The following SNX29 variants were observed in gnomAD, a reference collection of about 807,000 sequenced individuals.
SNX29 encodes sorting nexin 29.
Under a neutral mutation model 102.1 loss-of-function variants are expected in SNX29, and 78 were observed. That is an observed-to-expected ratio of 0.76 (90% CI 0.64 to 0.92). SNX29 has a LOEUF of 0.92. Among genes scored for constraint, SNX29 ranks in the 40% least tolerant of loss-of-function variants. The pLI is 0.00. For missense variants in SNX29, 1,280 were observed against 1,061.7 expected (o/e 1.21, Z -2.86); for synonymous variants, 580 against 414.5 (o/e 1.40, Z -4.85).
intron 9 of SNX29, among the ~76,000 whole-genome samples, chr16:12,064,141 A>G (rs2050911470): frequency 6.6e-6 from 1 of 152,088 alleles, no homozygotes; most frequent in African/African-American, 2.4e-5. Context: ...AGGTGCTTGC[A>G]GTAGGTGGTC....
At chr16:12,464,861 T>C (rs890981394) in intron 18 of SNX29, among the ~76,000 whole-genome samples, 5 of 152,232 alleles carry the variant, frequency 3.3e-5, no homozygotes, top group Non-Finnish European at 7.3e-5. Context: ...TGATTTACTT[T>C]CCTGCCAATA....
rs927631901 is a variant in SNX29, at chr16:12,570,334, C to G, written c.*1705C>G. 8.8e-6 allele frequency: 7 copies of G among 799,676 alleles called. No homozygotes were observed. In the African/African-American group the frequency reaches 1.3e-4, roughly 14 times the overall value. The allele number at this position is 799,676 out of a possible 1,614,324, so 49.5% of individuals were successfully genotyped here. ...CATCCTGTAAAGGCAACTTGGTCTC[C>G]CTCCCACTCACCTGCCAACATTGCT... On this transcript the variant is annotated 3_prime_UTR_variant, in exon 21 of 21. Transcript: ENST00000566228.
At chr16:12,062,176 T>G (rs77095878) in intron 9 of SNX29, among the ~76,000 whole-genome samples, 1 of 151,890 alleles carries the variant, frequency 6.6e-6, no homozygotes, top group Non-Finnish European at 1.5e-5. Context: ...GTCAGGAGTT[T>G]GAGACCAGCC....
chr16:12,330,007 AC>A (rs1419803701), intron 15 of SNX29, among the ~76,000 whole-genome samples: 1 of 152,162 alleles, frequency 6.6e-6, no homozygotes, highest in Non-Finnish European at 1.5e-5. Context: ...TGATGGGCAC[AC>A]TCCTCAACAT....
intron 18 of SNX29, among the ~76,000 whole-genome samples, chr16:12,460,657 CT>C (rs56823217): frequency 0.12 from 15,583 of 133,578 alleles, 2,212 homozygotes; most frequent in African/African-American, 0.38. Context: ...TGTGTGAACT[CT>C]TTTTTTTTTT....
Position 12,106,028 on chromosome 16 carries a change from G to C in SNX29, c.1403-20605G>C, listed in dbSNP as rs76567294. Among the ~76,000 whole-genome samples the C allele has an allele frequency of 1.9e-3, 283 of 152,296 alleles. 2 individuals carry two copies. Among genetic ancestry groups the C allele is most frequent in the Non-Finnish European group, 1.6e-3 (112 of 68,018 alleles). The stretch of plus-strand genomic sequence containing the variant: ...GCCTCAGCCGTGGCTCCTCTGGAGG[G>C]ACAGAGCCAACGTTTCCATCTAAGT... On this transcript the variant is annotated intron_variant, in intron 11 of 20. Transcript: ENST00000566228.
chr16:12,320,550 C>T (rs1172012424), intron 15 of SNX29, among the ~76,000 whole-genome samples: 3 of 152,156 alleles, frequency 2.0e-5, no homozygotes, highest in African/African-American at 7.2e-5. Context: ...CTGGAGAATA[C>T]TTAAGATTAA....
chr16:12,258,825 G>A (rs960559895), intron 14 of SNX29, among the ~76,000 whole-genome samples: 1 of 152,126 alleles, frequency 6.6e-6, no homozygotes, highest in Non-Finnish European at 1.5e-5. Flanking sequence ...TGTGGAGAGC[G>A]TTGTTATTTT....
intron 18 of SNX29, among the ~76,000 whole-genome samples, chr16:12,466,537 C>G (rs541296812): frequency 3.5e-4 from 54 of 152,322 alleles, no homozygotes; most frequent in Middle Eastern, 6.8e-3. Flanking sequence ...TGGCACCCCC[C>G]CTTCCAGAGT....
At chr16:12,397,985 G>A (rs536201957) in intron 16 of SNX29, among the ~76,000 whole-genome samples, 1 of 152,178 alleles carries the variant, frequency 6.6e-6, no homozygotes, top group East Asian at 1.9e-4. Flanking sequence ...GCCTCAAATT[G>A]CTCGTACATT....
At position 12,569,119 on chromosome 16, in the gene SNX29, TTGCGG is replaced by T. The variant is rs2079129764; in HGVS notation, c.*491_*495del. 5.6e-5 allele frequency: 1 copy of T among 17,866 alleles called. No homozygotes were observed. The highest frequency in any genetic ancestry group is 1.5e-3 in the Admixed American group (1 of 648). The allele number at this position is 17,866 out of a possible 1,614,324, so 1.1% of individuals were successfully genotyped here. A position where few individuals can be genotyped will look rare whatever the true frequency, so the allele number is the denominator to read the frequency against. ...TGGCCTAACCTAGGGATGGCTGGCT[TTGCGG>T]GGGGGGGGGGGGGGGGGGGCATGGT... On this transcript the variant is annotated 3_prime_UTR_variant, in exon 21 of 21. Coordinates refer to ENST00000566228, the MANE Select transcript of SNX29 (RefSeq NM_032167.5).
intron 19 of SNX29, among the ~76,000 whole-genome samples, chr16:12,485,787 A>G (rs146697358): frequency 2.0e-4 from 31 of 152,318 alleles, no homozygotes; most frequent in African/African-American, 6.5e-4. Flanking sequence ...CTCAGGAGCT[A>G]TATGAGCTGC....
intron 13 of SNX29, among the ~76,000 whole-genome samples, chr16:12,166,560 A>G (rs1012724706): frequency 3.9e-5 from 6 of 152,182 alleles, no homozygotes; most frequent in African/African-American, 1.4e-4. Context: ...CTTGGAGCTG[A>G]TTATGGTATT....
At chr16:12,531,419 A>G (rs1247432669) in intron 20 of SNX29, among the ~76,000 whole-genome samples, 1 of 152,238 alleles carries the variant, frequency 6.6e-6, no homozygotes, top group Non-Finnish European at 1.5e-5. Context: ...TGTTGCAGAC[A>G]GAAGGCAGGG....
intron 19 of SNX29, among the ~76,000 whole-genome samples, chr16:12,521,537 T>C (rs1292936801): frequency 2.0e-5 from 3 of 152,202 alleles, no homozygotes; most frequent in African/African-American, 4.8e-5. Flanking sequence ...TCTCTCCTTA[T>C]TGCTTTAGAG....
At chr16:12,206,069 T>G (rs1035034632) in intron 14 of SNX29, among the ~76,000 whole-genome samples, 1 of 152,202 alleles carries the variant, frequency 6.6e-6, no homozygotes, top group Admixed American at 6.5e-5. Context: ...ACTGCATCTT[T>G]CAGTTGTGCC....
At chr16:12,007,546 G>A (rs1376924614) in intron 3 of SNX29, among the ~76,000 whole-genome samples, 1 of 152,084 alleles carries the variant, frequency 6.6e-6, no homozygotes, top group African/African-American at 2.4e-5. Flanking sequence ...TCTCAAGAGG[G>A]AAAGTCAGCG....
At chr16:12,338,344 C>T (rs761282370) in intron 15 of SNX29, among the ~76,000 whole-genome samples, 29 of 152,086 alleles carry the variant, frequency 1.9e-4, no homozygotes, top group Admixed American at 1.8e-3. Context: ...ATGTTCAGAA[C>T]CCTGGGGGTA....
At chr16:12,298,449 G>A (rs190618601) in intron 15 of SNX29, among the ~76,000 whole-genome samples, 1 of 152,232 alleles carries the variant, frequency 6.6e-6, no homozygotes, top group East Asian at 1.9e-4. Context: ...TCTTTGCCAT[G>A]AACAAGTCTA....
Sources: gnomAD v4.1 joint callset for allele counts (sites outside exome capture counted in the v4.1 genomes callset) on GRCh38, gnomAD v4.1.1 for gene constraint, MANE v1.5 for transcripts, NCBI Gene and HGNC (gene_info 2026-07-23, HGNC 2026-07-21) for gene names.